Variants in CAPSL observed in about 807,000 individuals in gnomAD.
CAPSL encodes the protein calcyphosine like, also known as calcyphosin-like protein.
Under a neutral mutation model 21.3 loss-of-function variants are expected in CAPSL, and 17 were observed. The ratio of observed to expected loss-of-function variants is 0.80; its 90% confidence interval spans 0.55 to 1.20. The LOEUF is 1.20. Ranked by LOEUF, CAPSL falls within the 50% of genes most tolerant of loss-of-function variation. The probability of loss-of-function intolerance (pLI) is 0.00; values close to 1 mark genes in which losing one functional copy is unlikely to be tolerated. For missense variants in CAPSL, 289 were observed against 259.3 expected, an observed-to-expected ratio of 1.11 and a Z score of -0.79; for synonymous variants, 102 against 89.3, an observed-to-expected ratio of 1.14 and a Z score of -0.80.
intron 2 of CAPSL, among the ~76,000 whole-genome samples, chr5:35,914,904 A>C (rs917129188): frequency 2.0e-5 from 3 of 152,250 alleles, no homozygotes; most frequent in African/African-American, 7.2e-5. Context: ...CTCTTCAAAA[A>C]ATCATTAAAT....
At chr5:35,924,205 C>T (rs1580891994) in intron 1 of CAPSL, among the ~76,000 whole-genome samples, 1 of 152,314 alleles carries the variant, frequency 6.6e-6, no homozygotes, top group South Asian at 2.1e-4. Flanking sequence ...CAGTAATCCA[C>T]ATGCTGTTAG....
At chr5:35,906,186 C>CA (rs1197151499) in intron 4 of CAPSL, among the ~76,000 whole-genome samples, 2 of 152,134 alleles carry the variant, frequency 1.3e-5, no homozygotes, top group East Asian at 3.9e-4. Flanking sequence ...TAAAAATTAT[C>CA]AAACTCCCGA....
intron 2 of CAPSL, among the ~76,000 whole-genome samples, chr5:35,916,866 G>T (rs947432505): frequency 6.6e-6 from 1 of 152,118 alleles, no homozygotes; most frequent in Non-Finnish European, 1.5e-5. Context: ...TGGACAAATG[G>T]CATCTAATTA....
chr5:35,928,625 C>T (rs974473912), intron 1 of CAPSL, among the ~76,000 whole-genome samples: 1 of 152,124 alleles, frequency 6.6e-6, no homozygotes, highest in Non-Finnish European at 1.5e-5. Flanking sequence ...ATCCCCCCCA[C>T]CCCCAGGAGA....
At chr5:35,935,167 A>G (rs1028306030) in intron 1 of CAPSL, among the ~76,000 whole-genome samples, 16 of 152,092 alleles carry the variant, frequency 1.1e-4, no homozygotes, top group African/African-American at 3.6e-4. Flanking sequence ...TCTCCATTTC[A>G]AGTGGTGTCA....
At chr5:35,928,097 T>C (rs916336143) in intron 1 of CAPSL, among the ~76,000 whole-genome samples, 1 of 152,190 alleles carries the variant, frequency 6.6e-6, no homozygotes, top group African/African-American at 2.4e-5. Flanking sequence ...GATGGTACCT[T>C]GAACTATGGA....
chr5:35,921,121 C>A lies in CAPSL; in HGVS notation c.1-1G>T, dbSNP rs758288729. The A allele has an allele frequency of 6.2e-7, 1 of 1,613,756 alleles. No individual in the cohort carries two copies. Among genetic ancestry groups the A allele is most frequent in the Non-Finnish European group, 8.5e-7 (1 of 1,179,952 alleles). On this transcript the variant is annotated splice_acceptor_variant, in intron 1 of 4. Coordinates refer to ENST00000651391, the MANE Select transcript of CAPSL (RefSeq NM_001042625.2). LOFTEE classifies it low-confidence loss of function (5UTR_SPLICE). ...GGTCATGGCGCGCTGTCCCTGCCAT[C>A]TGAGGGGAAGCCATAGCATGTTAGC...
In CAPSL at chr5:35,904,422, A is replaced by T; in HGVS notation, c.*123T>A. 1.3e-6 allele frequency: 1 copy of T among 765,488 alleles called. No homozygotes were observed. Among genetic ancestry groups the T allele is most frequent in the Non-Finnish European group, 2.1e-6 (1 of 466,202 alleles). The allele number at this position is 765,488 out of a possible 1,614,324, so 47.4% of individuals were successfully genotyped here. On this transcript the variant is annotated 3_prime_UTR_variant, in exon 5 of 5. Coordinates refer to ENST00000651391, the MANE Select transcript of CAPSL (RefSeq NM_001042625.2). Reference sequence around the variant, plus strand: ...GTTTTTTGGCCCCAGAAAATGCAATATTTTGACACAGAAAAAAACATTAGG... The same window carrying T: ...GTTTTTTGGCCCCAGAAAATGCAATTTTTTGACACAGAAAAAAACATTAGG...
intron 1 of CAPSL, among the ~76,000 whole-genome samples, chr5:35,922,521 TCCA>T (rs1341320715): frequency 6.6e-6 from 1 of 152,160 alleles, no homozygotes; most frequent in African/African-American, 2.4e-5. Context: ...AGCTCTTTAC[TCCA>T]CATTAGGAAA....
intron 1 of CAPSL, among the ~76,000 whole-genome samples, chr5:35,924,810 T>C (rs1738630723): frequency 6.6e-6 from 1 of 152,124 alleles, no homozygotes; most frequent in South Asian, 2.1e-4. Flanking sequence ...AAGGGAAAAG[T>C]TTATTAAGCA....
intron 1 of CAPSL, among the ~76,000 whole-genome samples, chr5:35,931,019 C>T (rs1184109889): frequency 1.3e-5 from 2 of 152,156 alleles, no homozygotes; most frequent in Non-Finnish European, 2.9e-5. Context: ...AACTTAGAGC[C>T]CTGACATCAT....
At chr5:35,925,527 G>A (rs1434981771) in intron 1 of CAPSL, among the ~76,000 whole-genome samples, 2 of 152,106 alleles carry the variant, frequency 1.3e-5, no homozygotes, top group African/African-American at 4.8e-5. Flanking sequence ...GTGAAGATTC[G>A]GAGGAAGTAG....
At chr5:35,911,741 G>A (rs900489745) in intron 2 of CAPSL, among the ~76,000 whole-genome samples, 4 of 152,160 alleles carry the variant, frequency 2.6e-5, no homozygotes, top group Admixed American at 6.5e-5. Flanking sequence ...AAAAAATAAG[G>A]GGGTGGAGCA....
At chr5:35,930,488 C>A (rs1009555011) in intron 1 of CAPSL, among the ~76,000 whole-genome samples, 1 of 152,182 alleles carries the variant, frequency 6.6e-6, no homozygotes, top group African/African-American at 2.4e-5. Context: ...AAGAGAAAGG[C>A]ACAATGTTTA....
At chr5:35,908,446 G>A (rs1424349985) in intron 4 of CAPSL, among the ~76,000 whole-genome samples, 1 of 152,224 alleles carries the variant, frequency 6.6e-6, no homozygotes, top group Non-Finnish European at 1.5e-5. Flanking sequence ...AAGGGGTGAT[G>A]TGCAGACTTG....
intron 2 of CAPSL, among the ~76,000 whole-genome samples, chr5:35,914,811 A>G (rs927318837): frequency 6.6e-6 from 1 of 152,240 alleles, no homozygotes; most frequent in African/African-American, 2.4e-5. Context: ...TAGAGAAGCA[A>G]GAGCAAACAT....
chr5:35,916,111 C>T (rs1327805021), intron 2 of CAPSL, among the ~76,000 whole-genome samples: 6 of 152,046 alleles, frequency 3.9e-5, no homozygotes, highest in Admixed American at 3.3e-4. Context: ...CTCCCATTCA[C>T]AATTGCTTCA....
At chr5:35,923,945 G>A (rs946337649) in intron 1 of CAPSL, among the ~76,000 whole-genome samples, 7 of 151,976 alleles carry the variant, frequency 4.6e-5, no homozygotes, top group African/African-American at 1.5e-4. Flanking sequence ...GCTAGATTTA[G>A]TCATTCCACA....
intron 1 of CAPSL, among the ~76,000 whole-genome samples, chr5:35,938,052 C>T (rs1561447025): frequency 6.6e-6 from 1 of 152,154 alleles, no homozygotes; most frequent in Non-Finnish European, 1.5e-5. Flanking sequence ...GATTTTTATT[C>T]TGATTCTCAG....
Sources: gnomAD v4.1 joint callset for allele counts (sites outside exome capture counted in the v4.1 genomes callset) on GRCh38, gnomAD v4.1.1 for gene constraint, MANE v1.5 for transcripts, NCBI Gene and HGNC (gene_info 2026-07-23, HGNC 2026-07-21) for gene names.